The following VNN1 variants were observed in gnomAD, a reference collection of about 807,000 sequenced individuals.
The protein encoded by VNN1 is pantetheinase.
A neutral mutation model predicts 41.9 loss-of-function variants in VNN1; 29 were observed. That is an observed-to-expected ratio of 0.69 (90% CI 0.52 to 0.94). VNN1 has a LOEUF of 0.94. Ranked by LOEUF, VNN1 falls within the 40% of genes least tolerant of loss-of-function variation. The pLI is 0.00. For synonymous variants in VNN1, 233 were observed against 224.4 expected (o/e 1.04, Z -0.34); for missense variants, 637 against 621.1 (o/e 1.03, Z -0.27).
chr6:132,690,745 C>A (rs1778270996), intron 5 of VNN1, among the ~76,000 whole-genome samples: 1 of 151,666 alleles, frequency 6.6e-6, no homozygotes, highest in Non-Finnish European at 1.5e-5. Flanking sequence ...GGGTAGTTAT[C>A]ATAGAGCAAA....
chr6:132,713,700 G>T (rs1778633766), intron 1 of VNN1, 126 bp downstream of exon 1: 6 of 997,296 alleles, frequency 6.0e-6, no homozygotes, highest in Non-Finnish European at 7.2e-6. Context: ...GTAAAATAAA[G>T]GTTCTTGGCT....
chr6:132,710,746 C>G (rs1283928865), intron 2 of VNN1, among the ~76,000 whole-genome samples: 4 of 152,136 alleles, frequency 2.6e-5, no homozygotes, highest in African/African-American at 9.7e-5. Flanking sequence ...TATATATGTG[C>G]CACATTTTCT....
intron 2 of VNN1, among the ~76,000 whole-genome samples, chr6:132,709,197 AATAGATAGATG>A (rs916108706): frequency 5.1e-5 from 7 of 137,928 alleles, no homozygotes; most frequent in Non-Finnish European, 9.1e-5. Flanking sequence ...GTAGATAGAT[AATAGATAGATG>A]ATAGATAGAT....
Position 132,692,424 on chromosome 6 carries a change from T to C in VNN1, c.987A>G (p.Gly329=). ...YASSIEALSS[G]NKEFKGTVFF... Reference sequence around the variant, plus strand: ...AGACAGTGCCTTTAAATTCCTTGTTTCCTGATGAGAGCGCTTCTATACTGC... The same window carrying C: ...AGACAGTGCCTTTAAATTCCTTGTTCCCTGATGAGAGCGCTTCTATACTGC... Residue 329 remains glycine, a synonymous_variant, in exon 5 of 7, where the codon GGA becomes GGG. Coordinates refer to ENST00000367928, the MANE Select transcript of VNN1 (RefSeq NM_004666.3). The C allele has an allele frequency of 6.2e-7, 1 of 1,614,170 alleles. No individual in the cohort carries two copies. The highest frequency in any genetic ancestry group is 1.1e-5 in the South Asian group (1 of 91,084).
At chr6:132,683,560 C>G (rs1388079772) in intron 6 of VNN1, among the ~76,000 whole-genome samples, 1 of 152,092 alleles carries the variant, frequency 6.6e-6, no homozygotes, top group Non-Finnish European at 1.5e-5. Flanking sequence ...CCTGTGGAAG[C>G]GCCGTAAGAG....
chr6:132,705,647 A>G (rs546790940), intron 2 of VNN1, among the ~76,000 whole-genome samples: 3 of 152,312 alleles, frequency 2.0e-5, no homozygotes, highest in Non-Finnish European at 2.9e-5. Flanking sequence ...ATTATTCAAC[A>G]TAGTAGTGGA....
At chr6:132,696,685 T>C (rs576759208) in intron 2 of VNN1, among the ~76,000 whole-genome samples, 1,885 of 141,672 alleles carry the variant, frequency 0.013, 35 homozygotes, top group African/African-American at 0.048. Context: ...GAAAAAAAAA[T>C]CTGACAACCA....
chr6:132,693,199 A>G lies in VNN1; in HGVS notation c.651T>C (p.His217=). ...GIFTCFDILF[H]DPAVTLVKDF... ...CTTTCACCAAGGTAACAGCAGGATC[A>G]TGGAAGAGTATATCAAAGCATGTGA... Residue 217 remains histidine, a synonymous_variant, in exon 4 of 7, where the codon CAT becomes CAC. Transcript: ENST00000367928. 2 of 1,614,216 alleles carry G rather than the reference A, an allele frequency of 1.2e-6. No homozygotes were observed. Among genetic ancestry groups the G allele is most frequent in the Non-Finnish European group, 1.7e-6 (2 of 1,180,022 alleles).
chr6:132,688,350 T>C (rs1164032601), intron 5 of VNN1, among the ~76,000 whole-genome samples: 12 of 152,178 alleles, frequency 7.9e-5, no homozygotes. Context: ...GTAATATGTA[T>C]TATTATCTTT....
At chr6:132,702,911 C>T (rs1014951035) in intron 2 of VNN1, among the ~76,000 whole-genome samples, 5 of 152,166 alleles carry the variant, frequency 3.3e-5, no homozygotes, top group African/African-American at 9.7e-5. Context: ...GGACCCAGTA[C>T]CATGCTGGTT....
At chr6:132,697,228 G>A (rs1483607212) in intron 2 of VNN1, among the ~76,000 whole-genome samples, 2 of 152,194 alleles carry the variant, frequency 1.3e-5, no homozygotes, top group Non-Finnish European at 2.9e-5. Flanking sequence ...TCCAAATTTA[G>A]TAATAAATAG....
intron 5 of VNN1, among the ~76,000 whole-genome samples, chr6:132,690,560 G>A (rs200337711): frequency 2.0e-5 from 3 of 152,110 alleles, no homozygotes; most frequent in Non-Finnish European, 2.9e-5. Flanking sequence ...TGCATTCTAC[G>A]GACAATCACA....
chr6:132,686,147 A>T (rs111795941), intron 5 of VNN1, among the ~76,000 whole-genome samples: 5,358 of 152,090 alleles, frequency 0.035, 312 homozygotes, highest in African/African-American at 0.12. Context: ...TACACTTTTT[A>T]AAAAAAATGT....
At position 132,693,103 on chromosome 6, in the gene VNN1, T is replaced by C. The variant is rs760568210; in HGVS notation, c.747A>G (p.Glu249=). The change falls in exon 4 of 7, where the codon GAA becomes GAG. Residue 249 remains glutamate, a synonymous_variant. Transcript: ENST00000367928. The stretch of plus-strand genomic sequence containing the variant: ...TGCCCATAGCCCAAGCTGAGTGGAA[T>C]TCAACAGCTGACAAATGTGGCAAAA... The part of the protein sequence containing the change: ...MNVLPHLSAV[E]FHSAWAMGMR... 3.7e-6 allele frequency: 6 copies of C among 1,614,108 alleles called. No homozygotes were observed. The South Asian group carries it at 4.4e-5, about 12-fold the overall frequency.
chr6:132,708,977 C>T (rs886828398), intron 2 of VNN1, among the ~76,000 whole-genome samples: 2 of 152,156 alleles, frequency 1.3e-5, no homozygotes, highest in Non-Finnish European at 2.9e-5. Context: ...GCCTGGAATG[C>T]ACTTTTTTCA....
At chr6:132,695,792 T>G (rs1778361498) in intron 2 of VNN1, among the ~76,000 whole-genome samples, 1 of 152,120 alleles carries the variant, frequency 6.6e-6, no homozygotes, top group African/African-American at 2.4e-5. Flanking sequence ...TAAGAAGACC[T>G]TAAATTTACA....
intron 2 of VNN1, among the ~76,000 whole-genome samples, chr6:132,695,012 C>T (rs2840818): frequency 0.43 from 65,768 of 151,848 alleles, 15,378 homozygotes; most frequent in African/African-American, 0.6. Flanking sequence ...ATTAGCTGGG[C>T]CTGGTGGCGT....
intron 2 of VNN1, among the ~76,000 whole-genome samples, chr6:132,703,796 G>A (rs1011873739): frequency 6.6e-6 from 1 of 152,030 alleles, no homozygotes; most frequent in Admixed American, 6.6e-5. Flanking sequence ...CAATGGCAAT[G>A]GTCGATTGTG....
At chr6:132,711,935 C>T in intron 1 of VNN1, 96 bp from the exon 2 acceptor site, 1 of 1,190,662 alleles carries the variant, frequency 8.4e-7, no homozygotes, top group Non-Finnish European at 1.1e-6. Context: ...CCCCACACCC[C>T]TTAAATCTTA....
Sources: allele counts gnomAD v4.1 joint callset (sites outside exome capture counted in the v4.1 genomes callset), GRCh38; gene constraint gnomAD v4.1.1; transcripts MANE v1.5; gene names NCBI Gene and HGNC (gene_info 2026-07-23, HGNC 2026-07-21).